The following RAP1B variants were observed in gnomAD, a reference collection of about 807,000 sequenced individuals.
RAP1B encodes RAP1B, member of RAS oncogene family.
RAP1B carries 1 observed loss-of-function variant against 27.5 expected under a neutral mutation model. The ratio of observed to expected loss-of-function variants is 0.04; its 90% CI spans 0.01 to 0.17. The LOEUF (loss-of-function observed/expected upper bound fraction) is 0.17. RAP1B is among the 10% of genes least tolerant of loss of function. RAP1B has a pLI of 1.00. For missense variants in RAP1B, 84 were observed against 214.8 expected (o/e 0.39, Z 3.81); for synonymous variants, 75 against 73.1 (o/e 1.03, Z -0.13).
chr12:68,642,487 G>C (rs1014732119), intron 1 of RAP1B: 1 of 863,424 alleles, frequency 1.2e-6, no homozygotes, highest in Non-Finnish European at 1.9e-6. Context: ...GTAATACAAG[G>C]GCCAGAACTT....
intron 1 of RAP1B, among the ~76,000 whole-genome samples, chr12:68,616,944 C>T (rs1408167425): frequency 6.6e-6 from 1 of 152,016 alleles, no homozygotes; most frequent in Admixed American, 6.6e-5. Context: ...CTACCTGTTT[C>T]CTTTTTCTTT....
At chr12:68,648,398 C>T (rs142470129) in intron 1 of RAP1B, among the ~76,000 whole-genome samples, 3 of 152,276 alleles carry the variant, frequency 2.0e-5, no homozygotes, top group East Asian at 1.9e-4. Flanking sequence ...ACAGACAATA[C>T]ACAAATGAGT....
At chr12:68,631,335 C>A (rs1872224243) in intron 1 of RAP1B, among the ~76,000 whole-genome samples, 1 of 152,084 alleles carries the variant, frequency 6.6e-6, no homozygotes, top group East Asian at 1.9e-4. Context: ...CAAAAAATTA[C>A]CACATATTAC....
chr12:68,645,605 CCCTA>C (rs1304965065), intron 1 of RAP1B, among the ~76,000 whole-genome samples: 1 of 152,216 alleles, frequency 6.6e-6, no homozygotes, highest in African/African-American at 2.4e-5. Context: ...CTTTCCCAGT[CCCTA>C]CCAGCACCAC....
intron 1 of RAP1B, among the ~76,000 whole-genome samples, chr12:68,634,293 A>C (rs910522715): frequency 1.3e-5 from 2 of 152,254 alleles, no homozygotes; most frequent in Non-Finnish European, 2.9e-5. Context: ...AACTGTAAGA[A>C]GTAGATACTT....
chr12:68,642,135 A>C (rs150839146), intron 1 of RAP1B, among the ~76,000 whole-genome samples: 139 of 152,360 alleles, frequency 9.1e-4, no homozygotes, highest in African/African-American at 2.8e-3. Context: ...CTAAAGATGA[A>C]TACAAATGTA....
chr12:68,626,788 GT>G (rs1871816753), intron 1 of RAP1B: 41 of 1,163,102 alleles, frequency 3.5e-5, no homozygotes, highest in Middle Eastern at 3.1e-4. Flanking sequence ...TTTTTTTGTT[GT>G]TTGTTTGTTT....
In RAP1B at chr12:68,670,995, T is replaced by C. The variant is rs1875065620; in HGVS notation, c.*11746T>C. 7.3e-6 allele frequency: 1 copy of C among 136,090 alleles called. No individual in the cohort carries two copies. 8.4% of individuals were successfully genotyped at this position (136,090 alleles called of 1,614,324 possible). ...GTGAGCCAAGATGGTGCCATTGCAC[T>C]CCAGCCTGGGCAACAAGAGTGATAC... On this transcript the variant is annotated 3_prime_UTR_variant, in exon 8 of 8. Transcript: ENST00000250559.
At chr12:68,632,166 CTGTT>C (rs1399485600) in intron 1 of RAP1B, among the ~76,000 whole-genome samples, 28 of 118,158 alleles carry the variant, frequency 2.4e-4, no homozygotes, top group Non-Finnish European at 3.6e-4. Flanking sequence ...TTTTTCCAGA[CTGTT>C]TGGCTGTCAC....
intron 3 of RAP1B, 124 bp downstream of exon 3, chr12:68,650,592 A>ACTTTTCCCACT: frequency 1.1e-6 from 1 of 930,406 alleles, no homozygotes; most frequent in Non-Finnish European, 1.5e-6. Context: ...ATTAGTGGGA[A>ACTTTTCCCACT]AAGTTTACAC....
rs1168281726 is a variant in RAP1B, at chr12:68,611,006, G to A, written c.-64G>A. The A allele has an allele frequency of 6.2e-6, 2 of 324,652 alleles. No homozygotes were observed. Among genetic ancestry groups the A allele is most frequent in the East Asian group, 4.3e-5 (1 of 23,076 alleles). 20.1% of individuals were successfully genotyped at this position (324,652 alleles called of 1,614,324 possible). A position where few individuals can be genotyped will look rare whatever the true frequency, so the allele number is the denominator to read the frequency against. On this transcript the variant is annotated 5_prime_UTR_variant, in exon 1 of 8. Transcript: ENST00000250559. ...AGTAGCGACCCGGGGGGAGCGCGGG[G>A]CGACGCTGGCTGCAGGGACCCGGTG...
intron 6 of RAP1B, 22 bp downstream of exon 6, chr12:68,656,471 A>T: frequency 1.3e-6 from 2 of 1,589,494 alleles, no homozygotes. Flanking sequence ...TATACTTAAA[A>T]TGGGTCTTCA....
rs142213245 is a variant in RAP1B, at chr12:68,627,366, T to C, written c.-27+16323T>C. On this transcript the variant is annotated intron_variant, in intron 1 of 7. Coordinates refer to ENST00000250559, the MANE Select transcript of RAP1B (RefSeq NM_001010942.3). ...GAGGAAAGGAACTCAGTTGGCTTAA[T>C]AGGCTGCAGCAGGGTGTTTTTTAAA... 8 of 689,620 alleles carry C rather than the reference T, an allele frequency of 1.2e-5. No homozygotes were observed. The East Asian group carries it at 2.1e-4, about 18-fold the overall frequency. 42.7% of individuals were successfully genotyped at this position (689,620 alleles called of 1,614,324 possible).
rs376175543 is a variant in RAP1B at position 68,658,980 on chromosome 12, T to C, written c.*31-300T>C. ...ACTTGACTAACAATTTTAATGTGAT[T>C]TTTTTCCTTTTTAATCCTTGGAAGG... On this transcript the variant is annotated intron_variant, in intron 7 of 7. Coordinates refer to ENST00000250559, the MANE Select transcript of RAP1B (RefSeq NM_001010942.3). 4.6e-5 allele frequency among the ~76,000 whole-genome samples: 7 copies of C among 152,338 alleles called. No individual in the cohort carries two copies. The East Asian group carries it at 1.2e-3, about 25-fold the overall frequency.
At chr12:68,646,673 T>C (rs1372315081) in intron 1 of RAP1B, among the ~76,000 whole-genome samples, 2 of 152,174 alleles carry the variant, frequency 1.3e-5, no homozygotes, top group Non-Finnish European at 2.9e-5. Context: ...TCACTCCCAG[T>C]GGAGGAAGGG....
chr12:68,643,774 G>A (rs912643819), intron 1 of RAP1B, among the ~76,000 whole-genome samples: 1 of 151,882 alleles, frequency 6.6e-6, no homozygotes, highest in Admixed American at 6.6e-5. Context: ...ATAATATTGG[G>A]GTAGTTATAG....
At chr12:68,613,093 G>A (rs767850183) in intron 1 of RAP1B, among the ~76,000 whole-genome samples, 26 of 152,100 alleles carry the variant, frequency 1.7e-4, no homozygotes, top group Non-Finnish European at 2.9e-4. Context: ...GGTGGTTTAC[G>A]CCTGTAATCC....
rs1475350089 is a variant in RAP1B, at chr12:68,623,152, TAATTTTGCAC to T, written c.-27+12112_-27+12121del. On this transcript the variant is annotated intron_variant, in intron 1 of 7. Transcript: ENST00000250559. ...TACTATATGTTAGGATTAAATTGAG[TAATTTTGCAC>T]AAAAGGTTTTTAGCAAAGACATGAA... Among the ~76,000 whole-genome samples the T allele has an allele frequency of 2.6e-5, 4 of 152,222 alleles. No homozygotes were observed. In the East Asian group the frequency reaches 7.7e-4, roughly 29 times the overall value.
chr12:68,622,261 G>T (rs1340894754), intron 1 of RAP1B, among the ~76,000 whole-genome samples: 1 of 152,160 alleles, frequency 6.6e-6, no homozygotes, highest in Non-Finnish European at 1.5e-5. Context: ...GTCATCTCTT[G>T]TCTGGACTCA....
Sources: gnomAD v4.1 joint callset for allele counts (sites outside exome capture counted in the v4.1 genomes callset) on GRCh38, gnomAD v4.1.1 for gene constraint, MANE v1.5 for transcripts, NCBI Gene and HGNC (gene_info 2026-07-23, HGNC 2026-07-21) for gene names.